PTPRD: variants seen among roughly 807,000 people sequenced by gnomAD.
The protein encoded by PTPRD is protein tyrosine phosphatase receptor type D.
Under a neutral mutation model 214.5 loss-of-function variants are expected in PTPRD, and 34 were observed. The ratio of observed to expected loss-of-function variants is 0.16; its 90% CI spans 0.12 to 0.21. PTPRD has a LOEUF of 0.21. Ranked by LOEUF, PTPRD falls within the 10% of genes least tolerant of loss-of-function variation. The pLI, the probability that PTPRD is intolerant of heterozygous loss-of-function variation, is 1.00. For synonymous variants in PTPRD, 1,128 were observed against 845.7 expected (o/e 1.33, Z -5.79); for missense variants, 2,545 against 2,398.7 (o/e 1.06, Z -1.27).
intron 3 of PTPRD, among the ~76,000 whole-genome samples, chr9:10,140,619 C>A (rs1451871242): frequency 6.6e-6 from 1 of 151,954 alleles, no homozygotes; most frequent in Non-Finnish European, 1.5e-5. Flanking sequence ...AGCTTACCAA[C>A]GAAAAAAGTC....
intron 7 of PTPRD, among the ~76,000 whole-genome samples, chr9:9,621,974 C>T (rs542718991): frequency 2.4e-4 from 36 of 152,248 alleles, no homozygotes; most frequent in African/African-American, 7.5e-4. Context: ...CCATACTGAA[C>T]GGAGGCGAGG....
At chr9:8,829,763 G>A (rs1056171802) in intron 11 of PTPRD, among the ~76,000 whole-genome samples, 1 of 152,106 alleles carries the variant, frequency 6.6e-6, no homozygotes, top group Non-Finnish European at 1.5e-5. Context: ...GCTGACTGGG[G>A]ACAAACAGCT....
chr9:9,405,744 G>T (rs955901453), intron 8 of PTPRD, among the ~76,000 whole-genome samples: 2 of 151,964 alleles, frequency 1.3e-5, no homozygotes, highest in Admixed American at 1.3e-4. Flanking sequence ...CCTTGGGGGA[G>T]ACAGTTTAAC....
chr9:9,994,595 A>G (rs116029111), intron 4 of PTPRD, among the ~76,000 whole-genome samples: 1,863 of 152,308 alleles, frequency 0.012, 45 homozygotes, highest in African/African-American at 0.041. Flanking sequence ...AACAAAACCT[A>G]AAAGCATAAA....
intron 2 of PTPRD, among the ~76,000 whole-genome samples, chr9:10,349,256 TG>T (rs921477293): frequency 2.1e-5 from 2 of 95,376 alleles, no homozygotes; most frequent in African/African-American, 8.4e-5. Context: ...TCCAGTGGGG[TG>T]GGGGGTGGGG....
At chr9:10,146,517 G>C (rs559568421) in intron 3 of PTPRD, among the ~76,000 whole-genome samples, 37 of 152,166 alleles carry the variant, frequency 2.4e-4, no homozygotes, top group Middle Eastern at 3.4e-3. Flanking sequence ...TAAGAATGCA[G>C]GTTGTGCCAA....
At chr9:10,300,279 C>T (rs1216004116) in intron 3 of PTPRD, among the ~76,000 whole-genome samples, 4 of 152,104 alleles carry the variant, frequency 2.6e-5, no homozygotes, top group Non-Finnish European at 4.4e-5. Context: ...ACAGGAGATT[C>T]CCTCTGGTGC....
chr9:10,521,851 C>CAGTATAGTTT (rs770409736), intron 2 of PTPRD, among the ~76,000 whole-genome samples: 8 of 152,076 alleles, frequency 5.3e-5, no homozygotes, highest in Non-Finnish European at 1.0e-4. Flanking sequence ...TAATAGGCTA[C>CAGTATAGTTT]AGTATAGTTT....
At chr9:10,443,090 GA>G (rs201814001) in intron 2 of PTPRD, among the ~76,000 whole-genome samples, 2,213 of 119,862 alleles carry the variant, frequency 0.018, 37 homozygotes, top group African/African-American at 0.051. Flanking sequence ...AGCAATTTCA[GA>G]AAAAAAAAAA....
chr9:9,973,196 C>T (rs968256407), intron 4 of PTPRD, among the ~76,000 whole-genome samples: 1 of 151,516 alleles, frequency 6.6e-6, no homozygotes, highest in Non-Finnish European at 1.5e-5. Context: ...GGCGCAGTGG[C>T]TCATGCCTGT....
intron 4 of PTPRD, among the ~76,000 whole-genome samples, chr9:9,973,287 G>A (rs575211278): frequency 3.5e-5 from 5 of 144,454 alleles, no homozygotes; most frequent in African/African-American, 1.0e-4. Context: ...ACATAGTGGT[G>A]AGACCTTGTC....
chr9:8,509,997 T>C (rs1429007057), intron 21 of PTPRD, among the ~76,000 whole-genome samples: 1 of 152,120 alleles, frequency 6.6e-6, no homozygotes, highest in African/African-American at 2.4e-5. Context: ...AAACTTGTGG[T>C]TCAGGCTTAG....
intron 14 of PTPRD, among the ~76,000 whole-genome samples, chr9:8,632,955 TA>T (rs2096298628): frequency 6.6e-6 from 1 of 151,974 alleles, no homozygotes; most frequent in Non-Finnish European, 1.5e-5. Context: ...GTGGTAGTTG[TA>T]AAAAACGTAG....
At chr9:8,632,877 A>G (rs1468276455) in intron 14 of PTPRD, among the ~76,000 whole-genome samples, 1 of 152,018 alleles carries the variant, frequency 6.6e-6, no homozygotes, top group East Asian at 1.9e-4. Flanking sequence ...GTTCTGACCA[A>G]TTGCTTAAGG....
intron 8 of PTPRD, among the ~76,000 whole-genome samples, chr9:9,479,229 C>CCA (rs2095285378): frequency 8.0e-5 from 8 of 100,540 alleles, no homozygotes; most frequent in African/African-American, 3.1e-4. Flanking sequence ...CCCCCCCCCC[C>CCA]ACACACACAC....
At chr9:10,349,007 G>A (rs2097137437) in intron 2 of PTPRD, among the ~76,000 whole-genome samples, 1 of 152,006 alleles carries the variant, frequency 6.6e-6, no homozygotes, top group East Asian at 1.9e-4. Flanking sequence ...GGGGACATAG[G>A]ACAGAACTCA....
intron 8 of PTPRD, among the ~76,000 whole-genome samples, chr9:9,423,171 A>G (rs371331496): frequency 6.6e-6 from 1 of 152,286 alleles, no homozygotes. Context: ...TTTTCACACA[A>G]TGTCCAGTAT....
intron 13 of PTPRD, among the ~76,000 whole-genome samples, chr9:8,636,392 T>C (rs1297294734): frequency 6.6e-6 from 1 of 152,148 alleles, no homozygotes; most frequent in Non-Finnish European, 1.5e-5. Context: ...CAAGCTTTCA[T>C]ACATCCTACA....
chr9:9,993,774 T>C (rs932447216), intron 4 of PTPRD, among the ~76,000 whole-genome samples: 1 of 43,912 alleles, frequency 2.3e-5, no homozygotes, highest in Non-Finnish European at 5.9e-5. Flanking sequence ...CTGTGATTTT[T>C]TGCAATTTTT....
Sources: allele counts gnomAD v4.1 joint callset (sites outside exome capture counted in the v4.1 genomes callset), GRCh38; gene constraint gnomAD v4.1.1; transcripts MANE v1.5; gene names NCBI Gene and HGNC (gene_info 2026-07-23, HGNC 2026-07-21).